Variants in SMG9 observed in about 807,000 individuals in gnomAD.
SMG9 encodes SMG9 nonsense mediated mRNA decay factor.
SMG9 carries 55 observed loss-of-function variants against 64.0 expected under a neutral mutation model. That is an observed-to-expected ratio of 0.86 (90% CI 0.69 to 1.08). The LOEUF (loss-of-function observed/expected upper bound fraction) is 1.08. Ranked by LOEUF, SMG9 falls within the 50% of genes least tolerant of loss-of-function variation. The pLI is 0.00. For synonymous variants in SMG9, 244 were observed against 254.8 expected (o/e 0.96, Z 0.41); for missense variants, 554 against 681.3 (o/e 0.81, Z 2.08).
intron 6 of SMG9, 122 bp from the exon 7 acceptor site, chr19:43,740,340 T>C: frequency 1.4e-6 from 1 of 739,584 alleles, no homozygotes; most frequent in South Asian, 1.5e-5. Flanking sequence ...CCTAAGCTTT[T>C]CATCTGTGGC....
intron 10 of SMG9, 99 bp from the exon 11 acceptor site, chr19:43,733,832 G>T: frequency 1.3e-6 from 1 of 786,766 alleles, no homozygotes; most frequent in South Asian, 1.6e-5. Flanking sequence ...CCTGAGTTCA[G>T]ATCACTGTGT....
chr19:43,747,582 T>A lies in SMG9; in HGVS notation c.491-43A>T, dbSNP rs746124823. 6 of 1,614,006 alleles carry A rather than the reference T, an allele frequency of 3.7e-6. No homozygotes were observed. The East Asian group carries it at 1.3e-4, about 36-fold the overall frequency. On this transcript the variant is annotated intron_variant, in intron 4 of 13. Coordinates refer to ENST00000270066, the MANE Select transcript of SMG9 (RefSeq NM_019108.4). ...CAGGAGACAGAGGATGCAGTGAGGA[T>A]CTGTGAGGAGACGCCAGTTCCCAAC...
chr19:43,730,987 C>G lies in SMG9; in HGVS notation c.*609G>C. The G allele has an allele frequency of 3.0e-6, 1 of 336,380 alleles. No individual in the cohort carries two copies. The highest frequency in any genetic ancestry group is 4.2e-6 in the Non-Finnish European group (1 of 236,684). 20.8% of individuals were successfully genotyped at this position (336,380 alleles called of 1,614,324 possible). A position where few individuals can be genotyped will look rare whatever the true frequency, so the allele number is the denominator to read the frequency against. On this transcript the variant is annotated 3_prime_UTR_variant, in exon 14 of 14. Coordinates refer to ENST00000270066, the MANE Select transcript of SMG9 (RefSeq NM_019108.4). The stretch of plus-strand genomic sequence containing the variant: ...CACCAGTGTATTTTCCCATCCAAAA[C>G]ATACACAGGGGAGGCTTGATGCCAC...
intron 7 of SMG9, 138 bp from the exon 8 acceptor site, chr19:43,738,355 T>C (rs890391489): frequency 3.7e-5 from 26 of 703,852 alleles, no homozygotes; most frequent in South Asian, 6.1e-5. Flanking sequence ...CAAAAGGAAG[T>C]TAAAGAAAAA....
At chr19:43,736,774 G>A (rs1968682160) in intron 9 of SMG9, among the ~76,000 whole-genome samples, 2 of 152,214 alleles carry the variant, frequency 1.3e-5, no homozygotes, top group African/African-American at 4.8e-5. Context: ...TTAAGGAGAG[G>A]TAAATGCAAT....
Position 43,750,717 on chromosome 19 carries a change from GCTGA to G in SMG9, c.21_24del (p.Gln8LeufsTer6), listed in dbSNP as rs754976333. 7 of 1,613,270 alleles carry G rather than the reference GCTGA, an allele frequency of 4.3e-6. No homozygotes were observed. The highest frequency in any genetic ancestry group is 5.9e-6 in the Non-Finnish European group (7 of 1,179,694). ...CGCCGCTCTATCCCATAGAGTCCAG[GCTGA>G]CTGTGTCCAGACTCAGACATGGTTA... On this transcript the variant is annotated frameshift_variant, in exon 2 of 14. Coordinates refer to ENST00000270066, the MANE Select transcript of SMG9 (RefSeq NM_019108.4). LOFTEE classifies it high-confidence loss of function.
At position 43,754,881 on chromosome 19, in the gene SMG9, T is replaced by C. The variant is rs1969307664; in HGVS notation, c.-234A>G. 6.6e-6 allele frequency: 1 copy of C among 152,342 alleles called. No homozygotes were observed. Among genetic ancestry groups the C allele is most frequent in the Non-Finnish European group, 1.5e-5 (1 of 68,124 alleles). The allele number at this position is 152,342 out of a possible 1,614,324, so 9.4% of individuals were successfully genotyped here. A position where few individuals can be genotyped will look rare whatever the true frequency, so the allele number is the denominator to read the frequency against. On this transcript the variant is annotated 5_prime_UTR_variant, in exon 1 of 14. Transcript: ENST00000270066. ...CCGAAGGAAGAAGAGGAGGAGGATG[T>C]AACGCGGGCCCGAGCTGAGATCAGT... is the stretch of plus-strand genomic sequence containing the variant.
At position 43,731,369 on chromosome 19, in the gene SMG9, C is replaced by A; in HGVS notation, c.*227G>T. On this transcript the variant is annotated 3_prime_UTR_variant, in exon 14 of 14. Coordinates refer to ENST00000270066, the MANE Select transcript of SMG9 (RefSeq NM_019108.4). ...GTGGAGGACACAGGACGGGCTACCCCATCTCAGGTTTGGGGTGGGATCGCT... is the reference window on the plus strand; with the variant it reads ...GTGGAGGACACAGGACGGGCTACCCAATCTCAGGTTTGGGGTGGGATCGCT... The A allele has an allele frequency of 1.5e-6, 2 of 1,359,580 alleles. No individual in the cohort carries two copies. Among genetic ancestry groups the A allele is most frequent in the South Asian group, 1.7e-5 (1 of 58,836 alleles). The allele number at this position is 1,359,580 out of a possible 1,614,324, so 84.2% of individuals were successfully genotyped here.
At chr19:43,742,241 AG>A (rs1242388525) in intron 6 of SMG9, among the ~76,000 whole-genome samples, 4 of 152,194 alleles carry the variant, frequency 2.6e-5, no homozygotes, top group Admixed American at 2.0e-4. Flanking sequence ...ACGTGAGCCC[AG>A]TCTGGGCAAC....
chr19:43,748,058 G>A lies in SMG9; in HGVS notation c.151-6C>T, dbSNP rs576412109. On this transcript the variant is annotated splice_polypyrimidine_tract_variant and splice_region_variant and intron_variant, in intron 2 of 13. Transcript: ENST00000270066. ...CTTGTCTCTTCGCTGGCATCCTGTG[G>A]TGAGGGAGGGCAGTTACTCATGAAT... is the stretch of plus-strand genomic sequence containing the variant. 2.5e-6 allele frequency: 4 copies of A among 1,604,580 alleles called. No homozygotes were observed. Among genetic ancestry groups the A allele is most frequent in the African/African-American group, 2.7e-5 (2 of 74,786 alleles).
chr19:43,738,040 C>A (rs746581855), intron 8 of SMG9, 82 bp downstream of exon 8: 1 of 1,374,012 alleles, frequency 7.3e-7, no homozygotes, highest in East Asian at 2.3e-5. Context: ...AAGTGGACCA[C>A]CCACACCCAG....
At chr19:43,751,835 C>T (rs1969199301) in intron 1 of SMG9, among the ~76,000 whole-genome samples, 1 of 152,216 alleles carries the variant, frequency 6.6e-6, no homozygotes, top group Non-Finnish European at 1.5e-5. Context: ...CCTTGAATTG[C>T]CTACTTCGAG....
In SMG9 at chr19:43,744,771, C is replaced by CCTCT. The variant is rs1968948994; in HGVS notation, c.698_701dup (p.Thr235GlufsTer11). ...CTGCACCCTATCTGATAGCCCCTCA[C>CCTCT]CTCTGGTCCTCCTCTGGAGTGTTGG... On this transcript the variant is annotated frameshift_variant and splice_region_variant. Transcript: ENST00000270066. LOFTEE classifies it high-confidence loss of function. 6.2e-7 allele frequency: 1 copy of CCTCT among 1,612,284 alleles called. No individual in the cohort carries two copies. The highest frequency in any genetic ancestry group is 1.1e-5 in the South Asian group (1 of 90,956).
At chr19:43,737,719 C>T (rs1443052433) in intron 8 of SMG9, 37 bp from the exon 9 acceptor site, 1 of 1,601,876 alleles carries the variant, frequency 6.2e-7, no homozygotes, top group African/African-American at 1.3e-5. Context: ...GTGAGGACCT[C>T]TTCTGCCCAG....
At chr19:43,738,648 G>C (rs1054252011) in intron 7 of SMG9, among the ~76,000 whole-genome samples, 1 of 152,174 alleles carries the variant, frequency 6.6e-6, no homozygotes, top group Middle Eastern at 3.4e-3. Flanking sequence ...TGAGCTCACC[G>C]GACTTTTTTT....
intron 6 of SMG9, among the ~76,000 whole-genome samples, chr19:43,742,392 G>A (rs985096237): frequency 4.6e-5 from 7 of 151,882 alleles, no homozygotes; most frequent in African/African-American, 1.7e-4. Context: ...GCCATGATCA[G>A]GCCACTACAC....
chr19:43,734,741 T>C (rs1365865500), intron 9 of SMG9: 1 of 403,288 alleles, frequency 2.5e-6, no homozygotes, highest in Non-Finnish European at 4.5e-6. Flanking sequence ...GGCTATTTTT[T>C]AGAGCAGTTT....
rs1045728030 is a variant in SMG9 at position 43,728,842 on chromosome 19, A to G, written c.*2754T>C. The G allele has an allele frequency of 7.8e-6, 2 of 257,274 alleles. No homozygotes were observed. Among genetic ancestry groups the G allele is most frequent in the East Asian group, 3.5e-4 (2 of 5,680 alleles). 15.9% of individuals were successfully genotyped at this position (257,274 alleles called of 1,614,324 possible). ...ATGTTTCCTGCAGTGGAGGGTGAGAAGGATACCAATGTATTCCTGTGTCTG... is the reference window on the plus strand; with the variant it reads ...ATGTTTCCTGCAGTGGAGGGTGAGAGGGATACCAATGTATTCCTGTGTCTG... On this transcript the variant is annotated 3_prime_UTR_variant, in exon 14 of 14. Coordinates refer to ENST00000270066, the MANE Select transcript of SMG9 (RefSeq NM_019108.4).
At chr19:43,742,432 G>A (rs911106439) in intron 6 of SMG9, among the ~76,000 whole-genome samples, 11 of 151,936 alleles carry the variant, frequency 7.2e-5, no homozygotes, top group African/African-American at 2.2e-4. Context: ...CAAGACCCTC[G>A]TCTCTTAAAA....
Sources: gnomAD v4.1 joint callset for allele counts (sites outside exome capture counted in the v4.1 genomes callset) on GRCh38, gnomAD v4.1.1 for gene constraint, MANE v1.5 for transcripts, NCBI Gene and HGNC (gene_info 2026-07-23, HGNC 2026-07-21) for gene names.